SMARCB1: variants seen among roughly 807,000 people sequenced by gnomAD.
The protein encoded by SMARCB1 is SWI/SNF-related matrix-associated actin-dependent regulator of chromatin subfamily B member 1.
Under a neutral mutation model 49.0 loss-of-function variants are expected in SMARCB1, and 5 were observed. That is an observed-to-expected ratio of 0.10 (90% CI 0.05 to 0.21). The LOEUF is 0.21. Ranked by LOEUF, SMARCB1 falls within the 10% of genes least tolerant of loss-of-function variation. SMARCB1 has a pLI of 1.00. For synonymous variants in SMARCB1, 201 were observed against 200.1 expected, an observed-to-expected ratio of 1.00 and a Z score of -0.04; for missense variants, 226 against 509.2, an observed-to-expected ratio of 0.44 and a Z score of 5.35.
chr22:23,805,671 A>G (rs1897276008), intron 5 of SMARCB1, among the ~76,000 whole-genome samples: 1 of 151,910 alleles, frequency 6.6e-6, no homozygotes, highest in African/African-American at 2.4e-5. Flanking sequence ...ATGCCTGGCT[A>G]ATTTTGTATT....
At chr22:23,825,920 T>C (rs1319507939) in intron 7 of SMARCB1, 1 of 166,432 alleles carries the variant, frequency 6.0e-6, no homozygotes, top group Non-Finnish European at 1.3e-5. Flanking sequence ...GAGCATTTGA[T>C]GAGTACCATG....
intron 1 of SMARCB1, among the ~76,000 whole-genome samples, chr22:23,790,434 A>G (rs1189951031): frequency 6.6e-6 from 1 of 152,226 alleles, no homozygotes; most frequent in Non-Finnish European, 1.5e-5. Flanking sequence ...TGGGTCTCAC[A>G]CCTATAATCC....
chr22:23,836,939 G>C lies in SMARCB1; in HGVS notation c.*2759G>C, dbSNP rs765574712. The C allele has an allele frequency of 3.2e-6, 5 of 1,580,716 alleles. No homozygotes were observed. The African/African-American group carries it at 5.4e-5, about 17-fold the overall frequency. Reference sequence around the variant, plus strand: ...GAGGGGCAGGTAATTGGGGTCTTCTGCAGGGGCATCCAGGAGCAGCTTTCT... The same window carrying C: ...GAGGGGCAGGTAATTGGGGTCTTCTCCAGGGGCATCCAGGAGCAGCTTTCT... On this transcript the variant is annotated 3_prime_UTR_variant, in exon 9 of 9. Transcript: ENST00000644036.
intron 7 of SMARCB1, among the ~76,000 whole-genome samples, chr22:23,827,993 G>C (rs2146032082): frequency 6.6e-6 from 1 of 152,370 alleles, no homozygotes; most frequent in South Asian, 2.1e-4. Context: ...CAGAGAGCTA[G>C]ACCAGGAGTC....
At chr22:23,823,068 G>T (rs967884059) in intron 6 of SMARCB1, 2 of 134,516 alleles carry the variant, frequency 1.5e-5, no homozygotes, top group African/African-American at 2.8e-5. Flanking sequence ...TCCCACCTCA[G>T]CCTCCCAAGT....
At chr22:23,811,776 A>C (rs1929882558) in intron 5 of SMARCB1, among the ~76,000 whole-genome samples, 1 of 152,248 alleles carries the variant, frequency 6.6e-6, no homozygotes, top group African/African-American at 2.4e-5. Flanking sequence ...TCTAAGCTCT[A>C]ATCTCAAGAA....
chr22:23,797,466 G>A (rs1458424512), intron 3 of SMARCB1, among the ~76,000 whole-genome samples: 2 of 148,968 alleles, frequency 1.3e-5, no homozygotes, highest in Admixed American at 6.8e-5. Flanking sequence ...CTGTCACCAC[G>A]CCCGTCTAAT....
intron 3 of SMARCB1, among the ~76,000 whole-genome samples, chr22:23,799,629 C>T (rs979723839): frequency 6.1e-5 from 9 of 148,316 alleles, no homozygotes; most frequent in Non-Finnish European, 1.0e-4. Context: ...TCTCCTGCCT[C>T]TGCCTCCTGA....
At chr22:23,800,399 G>A (rs1929065894) in intron 3 of SMARCB1, among the ~76,000 whole-genome samples, 2 of 152,236 alleles carry the variant, frequency 1.3e-5, no homozygotes, top group African/African-American at 4.8e-5. Context: ...TGGCTGGTAT[G>A]TCTAAAATGA....
chr22:23,792,027 C>T (rs1374755618), intron 2 of SMARCB1, 133 bp downstream of exon 2: 1 of 937,284 alleles, frequency 1.1e-6, no homozygotes, highest in Non-Finnish European at 1.7e-6. Flanking sequence ...CCGGGGTGGG[C>T]CGCCCTGTGA....
At chr22:23,812,036 G>A (rs1426812886) in intron 5 of SMARCB1, among the ~76,000 whole-genome samples, 1 of 152,162 alleles carries the variant, frequency 6.6e-6, no homozygotes, top group Non-Finnish European at 1.5e-5. Flanking sequence ...AATTCTATAA[G>A]TTTGACAGCT....
At chr22:23,813,633 G>A (rs9608190) in intron 5 of SMARCB1, among the ~76,000 whole-genome samples, 19,000 of 152,046 alleles carry the variant, frequency 0.12, 1,256 homozygotes, top group South Asian at 0.27. Flanking sequence ...AAGTAATGAA[G>A]GAAGACCTAA....
intron 6 of SMARCB1, chr22:23,823,530 C>A (rs2030214888): frequency 6.6e-6 from 1 of 152,556 alleles, no homozygotes. Flanking sequence ...GGCTTCCTCC[C>A]TCTGCGTGAG....
chr22:23,804,646 C>T (rs1314803374), intron 5 of SMARCB1, among the ~76,000 whole-genome samples: 2 of 152,152 alleles, frequency 1.3e-5, no homozygotes, highest in African/African-American at 2.4e-5. Flanking sequence ...TAAGTTCAAG[C>T]GATTCTCGTG....
rs764530283 is a variant in SMARCB1, at chr22:23,837,029, G to A, written c.*2849G>A. ...CCCCATCGGTGGGGATCCTTCTGAG[G>A]GTGGGGAGAGGGAGGGAGGGCTCTC... On this transcript the variant is annotated 3_prime_UTR_variant, in exon 9 of 9. Coordinates refer to ENST00000644036, the MANE Select transcript of SMARCB1 (RefSeq NM_003073.5). 2.5e-6 allele frequency: 4 copies of A among 1,613,186 alleles called. No individual in the cohort carries two copies. Among genetic ancestry groups the A allele is most frequent in the Non-Finnish European group, 3.4e-6 (4 of 1,179,558 alleles).
intron 7 of SMARCB1, among the ~76,000 whole-genome samples, chr22:23,829,714 G>A (rs35334878): frequency 0.12 from 18,783 of 152,240 alleles, 1,249 homozygotes; most frequent in South Asian, 0.27. Context: ...CACACATTTA[G>A]AGTATATAGT....
At chr22:23,828,252 C>T (rs952472930) in intron 7 of SMARCB1, among the ~76,000 whole-genome samples, 5 of 152,120 alleles carry the variant, frequency 3.3e-5, no homozygotes, top group East Asian at 2.0e-4. Flanking sequence ...GGGGTTTCAC[C>T]GTATTAGCTA....
At chr22:23,820,638 A>G (rs2030036417) in intron 6 of SMARCB1, among the ~76,000 whole-genome samples, 1 of 121,824 alleles carries the variant, frequency 8.2e-6, no homozygotes, top group South Asian at 3.0e-4. Context: ...TTTCTTTGTC[A>G]GGAAGATTTT....
rs575830549 is a variant in SMARCB1 at position 23,794,898 on chromosome 22, C to CA, written c.362+1218dup. 3.2e-3 allele frequency among the ~76,000 whole-genome samples: 485 copies of CA among 150,622 alleles called. 3 individuals are homozygous for CA. The highest frequency in any genetic ancestry group is 0.023 in the South Asian group (108 of 4,760). On this transcript the variant is annotated intron_variant, in intron 3 of 8. Coordinates refer to ENST00000644036, the MANE Select transcript of SMARCB1 (RefSeq NM_003073.5). ...GGGCAACAAGAGTGAAACTCCACCT[C>CA]AAAAAAAACAAAAACAAAACAAAAC...
Sources: allele counts gnomAD v4.1 joint callset (sites outside exome capture counted in the v4.1 genomes callset), GRCh38; gene constraint gnomAD v4.1.1; transcripts MANE v1.5; gene names NCBI Gene and HGNC (gene_info 2026-07-23, HGNC 2026-07-21).